Variants in TMEM217B observed in about 807,000 individuals in gnomAD.
The protein encoded by TMEM217B is putative transmembrane protein 217B.
the TMEM217B span, among the ~76,000 whole-genome samples, chr6:37,255,026 C>A: frequency 6.6e-6 from 1 of 152,112 alleles, no homozygotes; most frequent in East Asian, 1.9e-4. Context: ...TGACAGGAGG[C>A]GGAGCTCTGG....
At chr6:37,219,248 G>A in the TMEM217B span, among the ~76,000 whole-genome samples, 1 of 152,174 alleles carries the variant, frequency 6.6e-6, no homozygotes, top group Non-Finnish European at 1.5e-5. Flanking sequence ...TGGTGGCAAT[G>A]ACCAGATAAA....
chr6:37,249,858 G>A, the TMEM217B span, among the ~76,000 whole-genome samples: 1 of 152,180 alleles, frequency 6.6e-6, no homozygotes, highest in Non-Finnish European at 1.5e-5. Flanking sequence ...TTGCAAAGTT[G>A]AACTTATGCA....
At chr6:37,226,581 G>A in the TMEM217B span, among the ~76,000 whole-genome samples, 7 of 151,408 alleles carry the variant, frequency 4.6e-5, no homozygotes, top group African/African-American at 1.7e-4. Flanking sequence ...ACAGGCGTGA[G>A]CCACTGCGCC....
At chr6:37,230,037 A>T in the TMEM217B span, among the ~76,000 whole-genome samples, 3 of 152,234 alleles carry the variant, frequency 2.0e-5, no homozygotes, top group African/African-American at 7.2e-5. Flanking sequence ...TAGAACAAAG[A>T]TCCCTACTTC....
chr6:37,250,530 A>G, the TMEM217B span, among the ~76,000 whole-genome samples: 130 of 152,378 alleles, frequency 8.5e-4, 1 homozygote, highest in African/African-American at 2.9e-3. Context: ...ACATTTTGCA[A>G]CATTTAGTAA....
the TMEM217B span, chr6:37,212,723 A>G: frequency 1.5e-6 from 1 of 659,984 alleles, no homozygotes; most frequent in Non-Finnish European, 2.8e-6. Flanking sequence ...AGCCCCATGT[A>G]GATATTCTTG....
At chr6:37,217,993 A>G in the TMEM217B span, 2 of 989,888 alleles carry the variant, frequency 2.0e-6, no homozygotes, top group South Asian at 9.3e-5. Flanking sequence ...TTATAATCAC[A>G]TTTTCTCTTC....
At chr6:37,212,825 C>T in the TMEM217B span, 2 of 962,118 alleles carry the variant, frequency 2.1e-6, no homozygotes, top group Non-Finnish European at 3.3e-6. Context: ...GTCCAAGTGA[C>T]TAGCTCCGAC....
At chr6:37,227,410 G>A in the TMEM217B span, among the ~76,000 whole-genome samples, 2 of 152,094 alleles carry the variant, frequency 1.3e-5, no homozygotes, top group Middle Eastern at 6.8e-3. Flanking sequence ...AAACTTCCAA[G>A]TGTGTACTCT....
chr6:37,250,260 G>C, the TMEM217B span, among the ~76,000 whole-genome samples: 1 of 152,218 alleles, frequency 6.6e-6, no homozygotes, highest in Non-Finnish European at 1.5e-5. Flanking sequence ...ATCTGAAAGA[G>C]AGAGAAAAGG....
At chr6:37,236,397 G>A in the TMEM217B span, among the ~76,000 whole-genome samples, 13 of 152,178 alleles carry the variant, frequency 8.5e-5, no homozygotes, top group Non-Finnish European at 1.5e-4. Flanking sequence ...TAGAGTATGA[G>A]CATGTGTATT....
chr6:37,226,331 C>T, the TMEM217B span, among the ~76,000 whole-genome samples: 2 of 108,002 alleles, frequency 1.9e-5, no homozygotes, highest in East Asian at 3.2e-4. Context: ...CTCGCTCTTT[C>T]GCCCAGGCTG....
chr6:37,217,279 G>A, the TMEM217B span, among the ~76,000 whole-genome samples: 1 of 152,222 alleles, frequency 6.6e-6, no homozygotes, highest in Non-Finnish European at 1.5e-5. Flanking sequence ...GGGCGACAGA[G>A]CCAGACTCGG....
the TMEM217B span, among the ~76,000 whole-genome samples, chr6:37,225,424 T>C: frequency 6.6e-6 from 1 of 152,160 alleles, no homozygotes; most frequent in South Asian, 2.1e-4. Context: ...ATGCATGTAT[T>C]AATGATGACT....
At chr6:37,233,539 C>CATT in the TMEM217B span, among the ~76,000 whole-genome samples, 5 of 152,208 alleles carry the variant, frequency 3.3e-5, no homozygotes, top group Non-Finnish European at 7.3e-5. Flanking sequence ...TTTACGAGGG[C>CATT]ATTAATCTCA....
chr6:37,228,733 C>T, the TMEM217B span, among the ~76,000 whole-genome samples: 8 of 151,562 alleles, frequency 5.3e-5, no homozygotes, highest in East Asian at 1.4e-3. Flanking sequence ...CGCAGTGGCT[C>T]ACGCCTATAA....
the TMEM217B span, among the ~76,000 whole-genome samples, chr6:37,252,633 ATATATTTTTTTTTT>A: frequency 2.7e-5 from 2 of 75,274 alleles, no homozygotes; most frequent in Admixed American, 1.6e-4. Context: ...ATATATATAT[ATATATTTTTTTTTT>A]TTTTTTTTTT....
At chr6:37,217,309 G>T in the TMEM217B span, among the ~76,000 whole-genome samples, 1 of 152,036 alleles carries the variant, frequency 6.6e-6, no homozygotes, top group Non-Finnish European at 1.5e-5. Context: ...TAAAAAATGT[G>T]CTTCATACAG....
chr6:37,221,289 C>T, the TMEM217B span, among the ~76,000 whole-genome samples: 9 of 151,810 alleles, frequency 5.9e-5, no homozygotes, highest in Non-Finnish European at 1.3e-4. Flanking sequence ...TGGGTTCAAG[C>T]GATTCTCGTG....
Sources: allele counts gnomAD v4.1 joint callset (sites outside exome capture counted in the v4.1 genomes callset), GRCh38; gene constraint gnomAD v4.1.1; transcripts MANE v1.5; gene names NCBI Gene and HGNC (gene_info 2026-07-23, HGNC 2026-07-21).